CHD8: variants seen among roughly 807,000 people sequenced by gnomAD.
CHD8 encodes chromodomain helicase DNA binding protein 8.
CHD8 carries 31 observed loss-of-function variants against 279.2 expected under a neutral mutation model. That is an observed-to-expected ratio of 0.11 (90% CI 0.08 to 0.15). CHD8 has a LOEUF of 0.15. Ranked by LOEUF, CHD8 falls within the 10% of genes least tolerant of loss-of-function variation. The probability of loss-of-function intolerance (pLI) is 1.00; values close to 1 mark genes in which losing one functional copy is unlikely to be tolerated. For synonymous variants in CHD8, 1,081 were observed against 1,139.6 expected, an observed-to-expected ratio of 0.95 and a Z score of 1.04; for missense variants, 2,146 against 3,230.5, an observed-to-expected ratio of 0.66 and a Z score of 8.14.
At chr14:21,399,125 G>T in intron 26 of CHD8, 1 of 288,200 alleles carries the variant, frequency 3.5e-6, no homozygotes, top group South Asian at 3.6e-5. Flanking sequence ...AGTCCACCCT[G>T]CAGGTGGTGC....
chr14:21,414,509 T>C (rs535162130), intron 8 of CHD8, 91 bp from the exon 9 acceptor site: 5 of 691,184 alleles, frequency 7.2e-6, no homozygotes, highest in Admixed American at 5.0e-5. Context: ...GAAGCAGACA[T>C]AACAAATACA....
At chr14:21,439,875 C>T (rs1276085777) in intron 1 of CHD8, among the ~76,000 whole-genome samples, 1 of 152,186 alleles carries the variant, frequency 6.6e-6, no homozygotes, top group East Asian at 1.9e-4. Flanking sequence ...TTATACACAT[C>T]TTTAATTTCT....
intron 1 of CHD8, among the ~76,000 whole-genome samples, chr14:21,441,657 G>C (rs1319540516): frequency 6.6e-6 from 1 of 151,926 alleles, no homozygotes; most frequent in Non-Finnish European, 1.5e-5. Flanking sequence ...GGGAGGCCAA[G>C]GCGGGCATAT....
At chr14:21,452,235 G>T (rs987793529) in intron 1 of CHD8, among the ~76,000 whole-genome samples, 4 of 152,026 alleles carry the variant, frequency 2.6e-5, no homozygotes, top group Non-Finnish European at 4.4e-5. Flanking sequence ...GTAGAGACGG[G>T]GTTTCACCAT....
Position 21,400,604 on chromosome 14 carries a change from C to T in CHD8, c.4379G>A (p.Arg1460Gln). 1 of 1,573,182 alleles carries T rather than the reference C, an allele frequency of 6.4e-7. No individual in the cohort carries two copies. Among genetic ancestry groups the T allele is most frequent in the Non-Finnish European group, 8.6e-7 (1 of 1,167,586 alleles). Reference sequence around the variant, plus strand: ...TCCATGAGATAAAATATCTCGCCATCGTCCCCAACTAAAAAACAGAAAACT... The same window carrying T: ...TCCATGAGATAAAATATCTCGCCATTGTCCCCAACTAAAAAACAGAAAACT... ...EKHLLVYGWG[R>Q]WRDILSHGRF... Residue 1460 changes from arginine (R) to glutamine (Q), a missense_variant, in exon 23 of 38, where the codon CGA (arginine) becomes CAA (glutamine). Coordinates refer to ENST00000646647, the MANE Select transcript of CHD8 (RefSeq NM_001170629.2). The surrounding 1 kb of genome is among the most constrained non-coding windows in gnomAD (Gnocchi z 4.2).
chr14:21,391,383 A>G (rs1297839623), intron 36 of CHD8, 80 bp downstream of exon 36: 10 of 1,296,904 alleles, frequency 7.7e-6, no homozygotes, highest in Admixed American at 2.0e-5. Context: ...ATGATACAGT[A>G]TGTCATGCTT....
At chr14:21,417,109 G>A (rs1430162815) in intron 5 of CHD8, among the ~76,000 whole-genome samples, 1 of 152,076 alleles carries the variant, frequency 6.6e-6, no homozygotes, top group Non-Finnish European at 1.5e-5. Context: ...ATTTAAAAAT[G>A]TTATATTTTT....
At chr14:21,446,124 A>G (rs891802353) in intron 1 of CHD8, among the ~76,000 whole-genome samples, 1 of 151,888 alleles carries the variant, frequency 6.6e-6, no homozygotes, top group African/African-American at 2.4e-5. Flanking sequence ...CCCAGGCAGC[A>G]GAGGTTGCAG....
chr14:21,401,768 A>G, intron 20 of CHD8, 189 bp downstream of exon 20: 1 of 597,588 alleles, frequency 1.7e-6, no homozygotes, highest in Non-Finnish European at 2.9e-6. Context: ...TATTTTTGGT[A>G]GAGATGAGGT....
chr14:21,394,624 A>G (rs1887695874), intron 30 of CHD8, 139 bp from the exon 31 acceptor site: 1 of 575,704 alleles, frequency 1.7e-6, no homozygotes, highest in Non-Finnish European at 2.9e-6. Context: ...AAAAAAAAAA[A>G]GGCCCAGAAG....
At chr14:21,424,905 A>T (rs1428084112) in intron 5 of CHD8, among the ~76,000 whole-genome samples, 1 of 152,170 alleles carries the variant, frequency 6.6e-6, no homozygotes, top group African/African-American at 2.4e-5. Context: ...TTTAGTCCAA[A>T]TCTCCATTTA....
chr14:21,392,064 A>G, intron 34 of CHD8, 118 bp from the exon 35 acceptor site: 2 of 801,484 alleles, frequency 2.5e-6, no homozygotes, highest in East Asian at 2.4e-5. Context: ...GGTGAGAAGG[A>G]AGGCCATCTG....
rs1394700864 is a variant in CHD8 at position 21,415,707 on chromosome 14, T to C, written c.1899+18A>G. On this transcript the variant is annotated intron_variant, in intron 6 of 37. Transcript: ENST00000646647. ...CCAGCAAGGCAATCCTCTGAAATCA[T>C]TTGAGTTTACAGCTTACCACAAAGA... is the stretch of plus-strand genomic sequence containing the variant. 3.1e-6 allele frequency: 5 copies of C among 1,613,254 alleles called. No individual in the cohort carries two copies. Among genetic ancestry groups the C allele is most frequent in the Non-Finnish European group, 4.2e-6 (5 of 1,179,642 alleles).
intron 1 of CHD8, among the ~76,000 whole-genome samples, chr14:21,438,788 C>T (rs1310629741): frequency 2.0e-5 from 3 of 151,578 alleles, no homozygotes; most frequent in Non-Finnish European, 2.9e-5. Flanking sequence ...AAGATCACCC[C>T]ACTGCACTCC....
chr14:21,439,321 A>G (rs1276056044), intron 1 of CHD8, among the ~76,000 whole-genome samples: 1 of 152,202 alleles, frequency 6.6e-6, no homozygotes. Flanking sequence ...TCCTGTAAAC[A>G]GCAATACTGT....
chr14:21,429,631 T>A (rs1889479985), intron 2 of CHD8: 1 of 460,494 alleles, frequency 2.2e-6, no homozygotes, highest in Non-Finnish European at 4.1e-6. Flanking sequence ...AATTCATCCC[T>A]CCTTAGGCAA....
chr14:21,385,294 C>T lies in CHD8; in HGVS notation c.*319G>A, dbSNP rs1341506803. ...ACAGTTCGGCCAGGAACAGGCTCTG[C>T]CAGAGGCTAGGGCCAGCGCTACATA... On this transcript the variant is annotated 3_prime_UTR_variant, in exon 38 of 38. Transcript: ENST00000646647. 3.1e-6 allele frequency: 1 copy of T among 319,932 alleles called. No individual in the cohort carries two copies. The highest frequency in any genetic ancestry group is 5.7e-6 in the Non-Finnish European group (1 of 174,520). 19.8% of individuals were successfully genotyped at this position (319,932 alleles called of 1,614,324 possible). A position where few individuals can be genotyped will look rare whatever the true frequency, so the allele number is the denominator to read the frequency against.
intron 1 of CHD8, among the ~76,000 whole-genome samples, chr14:21,435,575 T>C (rs1889749246): frequency 6.6e-6 from 1 of 152,216 alleles, no homozygotes; most frequent in Non-Finnish European, 1.5e-5. Context: ...AATTCTACCC[T>C]ATATTTTTCC....
At chr14:21,392,136 C>A (rs1185381490) in intron 34 of CHD8, 190 bp from the exon 35 acceptor site, 1 of 759,780 alleles carries the variant, frequency 1.3e-6, no homozygotes, top group Admixed American at 1.7e-5. Context: ...AAAGATTTCA[C>A]TTCTTCACCT....
Sources: gnomAD v4.1 joint callset for allele counts (sites outside exome capture counted in the v4.1 genomes callset) on GRCh38, gnomAD v4.1.1 for gene constraint, Gnocchi (gnomAD v3.1) non-coding constraint, MANE v1.5 for transcripts, NCBI Gene and HGNC (gene_info 2026-07-23, HGNC 2026-07-21) for gene names.